Variants in MACROD2 observed in about 807,000 individuals in gnomAD.
The protein encoded by MACROD2 is ADP-ribose glycohydrolase MACROD2.
MACROD2 carries 36 observed loss-of-function variants against 70.4 expected under a neutral mutation model. That is an observed-to-expected ratio of 0.51 (90% CI 0.39 to 0.68). MACROD2 has a LOEUF of 0.68. Among genes scored for constraint, MACROD2 ranks in the 30% least tolerant of loss-of-function variants. The pLI is 0.00. For missense variants in MACROD2, 496 were observed against 538.4 expected (o/e 0.92, Z 0.78); for synonymous variants, 172 against 178.8 (o/e 0.96, Z 0.30).
chr20:15,027,877 C>A (rs1019687897), intron 5 of MACROD2, among the ~76,000 whole-genome samples: 3 of 152,116 alleles, frequency 2.0e-5, no homozygotes, highest in Non-Finnish European at 4.4e-5. Context: ...GTGTTGTCTG[C>A]CTGCCTTGAC....
At chr20:15,383,724 A>C (rs138985081) in intron 6 of MACROD2, among the ~76,000 whole-genome samples, 1 of 152,228 alleles carries the variant, frequency 6.6e-6, no homozygotes, top group South Asian at 2.1e-4. Context: ...ACAAAATATG[A>C]TATGTGTTCC....
intron 2 of MACROD2, among the ~76,000 whole-genome samples, chr20:14,085,031 T>TG (rs1385723716): frequency 3.6e-4 from 5 of 13,728 alleles, no homozygotes; most frequent in African/African-American, 5.3e-4. Context: ...GGTTGGGGGG[T>TG]GGGGGGGTGG....
intron 10 of MACROD2, among the ~76,000 whole-genome samples, chr20:15,891,719 G>T (rs1283994127): frequency 6.6e-6 from 1 of 152,124 alleles, no homozygotes; most frequent in East Asian, 1.9e-4. Flanking sequence ...TAAATTTCTG[G>T]GTAGATAGTA....
At chr20:15,794,140 T>A (rs185067020) in intron 8 of MACROD2, among the ~76,000 whole-genome samples, 25 of 152,172 alleles carry the variant, frequency 1.6e-4, no homozygotes, top group Non-Finnish European at 2.8e-4. Context: ...TACAGCTTTA[T>A]GATTGCATTG....
chr20:15,143,069 T>C (rs1473484821), intron 5 of MACROD2, among the ~76,000 whole-genome samples: 1 of 96,632 alleles, frequency 1.0e-5, no homozygotes, highest in Non-Finnish European at 2.3e-5. Flanking sequence ...TAGTTCTAGA[T>C]CCCTGTGAGG....
chr20:14,740,834 G>A (rs1305789617), intron 5 of MACROD2, among the ~76,000 whole-genome samples: 1 of 152,126 alleles, frequency 6.6e-6, no homozygotes, highest in Non-Finnish European at 1.5e-5. Flanking sequence ...GCCCTCTTTT[G>A]AGAGTTTTCT....
intron 2 of MACROD2, among the ~76,000 whole-genome samples, chr20:14,066,742 C>T (rs944448272): frequency 2.0e-5 from 3 of 151,872 alleles, no homozygotes; most frequent in Non-Finnish European, 4.4e-5. Flanking sequence ...AGCTCTTAAC[C>T]GACAGGCTGA....
At chr20:14,828,058 A>ACTGGT (rs2072922421) in intron 5 of MACROD2, among the ~76,000 whole-genome samples, 3 of 152,114 alleles carry the variant, frequency 2.0e-5, no homozygotes, top group Non-Finnish European at 4.4e-5. Flanking sequence ...ATAATAAAGA[A>ACTGGT]AATAAAGATG....
At chr20:14,196,324 A>C (rs2081432260) in intron 3 of MACROD2, among the ~76,000 whole-genome samples, 1 of 152,204 alleles carries the variant, frequency 6.6e-6, no homozygotes, top group African/African-American at 2.4e-5. Flanking sequence ...GTTGTGATGC[A>C]CTTATCACAG....
intron 10 of MACROD2, among the ~76,000 whole-genome samples, chr20:15,890,748 T>G (rs1030769586): frequency 1.3e-5 from 2 of 152,158 alleles, no homozygotes; most frequent in African/African-American, 4.8e-5. Context: ...GGTTTTTTTT[T>G]GTTCTGTTCC....
At chr20:15,118,115 T>A (rs937200783) in intron 5 of MACROD2, among the ~76,000 whole-genome samples, 1 of 152,058 alleles carries the variant, frequency 6.6e-6, no homozygotes, top group Non-Finnish European at 1.5e-5. Flanking sequence ...TTTCTAGAAT[T>A]ACCATCCAAA....
intron 5 of MACROD2, among the ~76,000 whole-genome samples, chr20:14,730,331 T>A (rs1193492599): frequency 6.6e-6 from 1 of 152,108 alleles, no homozygotes; most frequent in Non-Finnish European, 1.5e-5. Context: ...TCTAAACACA[T>A]TGAGGCCCAA....
chr20:15,981,906 C>T (rs1428746923), intron 13 of MACROD2, among the ~76,000 whole-genome samples: 2 of 152,016 alleles, frequency 1.3e-5, no homozygotes, highest in South Asian at 2.1e-4. Flanking sequence ...ATCTTCTGTT[C>T]AAGTAGCCTA....
At chr20:14,400,757 CAT>C (rs1240221546) in intron 3 of MACROD2, among the ~76,000 whole-genome samples, 1 of 152,080 alleles carries the variant, frequency 6.6e-6, no homozygotes, top group Non-Finnish European at 1.5e-5. Context: ...AATCTTGAGT[CAT>C]ATATGTTGTC....
At chr20:14,206,745 G>A (rs2081527376) in intron 3 of MACROD2, among the ~76,000 whole-genome samples, 2 of 151,518 alleles carry the variant, frequency 1.3e-5, no homozygotes, top group South Asian at 4.2e-4. Flanking sequence ...GGTAGGGATT[G>A]GATGATAGAG....
At position 15,777,509 on chromosome 20, in the gene MACROD2, CTTT is replaced by C. The variant is rs1433085940; in HGVS notation, c.646-85235_646-85233del. 5.9e-4 allele frequency among the ~76,000 whole-genome samples: 27 copies of C among 45,568 alleles called. No homozygotes were observed. The Admixed American group carries it at 6.8e-3, about 11-fold the overall frequency. 29.9% of individuals were successfully genotyped at this position (45,568 alleles called of 152,430 possible). A position where few individuals can be genotyped will look rare whatever the true frequency, so the allele number is the denominator to read the frequency against. On this transcript the variant is annotated intron_variant, in intron 8 of 17. Coordinates refer to ENST00000684519, the MANE Select transcript of MACROD2 (RefSeq NM_001351661.2). ...GATTCTTTTTTTTCCTTCCTTCCTT[CTTT>C]CCTTCCTTCCTTCCTTCCTTCCTTC...
intron 5 of MACROD2, among the ~76,000 whole-genome samples, chr20:14,780,015 T>G (rs2072279887): frequency 1.3e-5 from 2 of 152,026 alleles, no homozygotes; most frequent in Admixed American, 6.5e-5. Flanking sequence ...TTTTTACAGA[T>G]GAAGAAACTG....
At chr20:15,027,084 G>A (rs6135329) in intron 5 of MACROD2, among the ~76,000 whole-genome samples, 35,495 of 152,010 alleles carry the variant, frequency 0.23, 4,305 homozygotes, top group Middle Eastern at 0.28. Context: ...AGTGATTTAT[G>A]TTGTGTCACA....
chr20:15,244,805 A>G (rs1601292593), intron 6 of MACROD2, among the ~76,000 whole-genome samples: 1 of 152,308 alleles, frequency 6.6e-6, no homozygotes, highest in East Asian at 1.9e-4. Context: ...GTAAAGGCAC[A>G]CTCTGCAAAC....
Sources: allele counts gnomAD v4.1 joint callset (sites outside exome capture counted in the v4.1 genomes callset), GRCh38; gene constraint gnomAD v4.1.1; transcripts MANE v1.5; gene names NCBI Gene and HGNC (gene_info 2026-07-23, HGNC 2026-07-21).